Variants in SULT1E1 observed in about 807,000 individuals in gnomAD.
The protein encoded by SULT1E1 is sulfotransferase 1E1.
In SULT1E1, 36 loss-of-function variants were observed where a neutral mutation model predicts 33.6. That is an observed-to-expected ratio of 1.07 (90% CI 0.82 to 1.41). SULT1E1 has a LOEUF of 1.41. Ranked by LOEUF, SULT1E1 falls within the 40% of genes most tolerant of loss-of-function variation. The probability of loss-of-function intolerance (pLI) is 0.00; values close to 1 mark genes in which losing one functional copy is unlikely to be tolerated. For missense variants in SULT1E1, 371 were observed against 345.7 expected (o/e 1.07, Z -0.58); for synonymous variants, 121 against 111.7 (o/e 1.08, Z -0.53).
At chr4:69,845,121 T>C (rs1720948696) in intron 6 of SULT1E1, among the ~76,000 whole-genome samples, 1 of 152,084 alleles carries the variant, frequency 6.6e-6, no homozygotes, top group Admixed American at 6.6e-5. Context: ...ACCACATGTG[T>C]ATTTTTGTAA....
In SULT1E1 at chr4:69,850,143, A is replaced by G. The variant is rs1412354195; in HGVS notation, c.370-580T>C. On this transcript the variant is annotated intron_variant, in intron 4 of 7. Coordinates refer to ENST00000226444, the MANE Select transcript of SULT1E1 (RefSeq NM_005420.3). ...TTTCCATTTTACATGCAGAAGAAAT[A>G]CCAATGAATTAGTTTTCAGAAAACT... is the stretch of plus-strand genomic sequence containing the variant. Among the ~76,000 whole-genome samples, 5 of 152,202 alleles carry G rather than the reference A, an allele frequency of 3.3e-5. No individual in the cohort carries two copies. The South Asian group carries it at 1.0e-3, about 32-fold the overall frequency.
chr4:69,856,992 C>T (rs1292684002), intron 2 of SULT1E1, among the ~76,000 whole-genome samples: 2 of 139,938 alleles, frequency 1.4e-5, no homozygotes, highest in African/African-American at 5.2e-5. Flanking sequence ...GTGTGTTTGG[C>T]TTTATTTTTA....
At chr4:69,840,500 T>C (rs1228642248), downstream of SULT1E1, among the ~76,000 whole-genome samples, 1 of 152,224 alleles carries the variant, frequency 6.6e-6, no homozygotes, top group African/African-American at 2.4e-5. Flanking sequence ...TAAAAAATTT[T>C]AATTCTTTTT....
chr4:69,851,846 CCAT>C (rs1721119702), intron 4 of SULT1E1, among the ~76,000 whole-genome samples: 1 of 151,978 alleles, frequency 6.6e-6, no homozygotes, highest in Admixed American at 6.6e-5. Flanking sequence ...AAACTGGAAA[CCAT>C]CATTCTCAGC....
At chr4:69,834,056 T>C in the SULT1E1 span, among the ~76,000 whole-genome samples, 1 of 152,156 alleles carries the variant, frequency 6.6e-6, no homozygotes. Flanking sequence ...CATTTTGTTT[T>C]GGGGGATTTG....
At chr4:69,854,164 T>G (rs916792711) in intron 4 of SULT1E1, 53 bp downstream of exon 4, 2 of 1,306,008 alleles carry the variant, frequency 1.5e-6, no homozygotes, top group Non-Finnish European at 2.2e-6. Context: ...ATGAGATCAC[T>G]CTATCATTTC....
At chr4:69,832,093 C>T in the SULT1E1 span, among the ~76,000 whole-genome samples, 1 of 152,232 alleles carries the variant, frequency 6.6e-6, no homozygotes. Context: ...GGTGATCAAG[C>T]TCCTCTTCTG....
At chr4:69,844,852 C>T (rs1720943180) in intron 6 of SULT1E1, among the ~76,000 whole-genome samples, 1 of 152,082 alleles carries the variant, frequency 6.6e-6, no homozygotes, top group African/African-American at 2.4e-5. Flanking sequence ...ATATCTGTGC[C>T]ACTCCTATAA....
At chr4:69,830,333 T>TC in the SULT1E1 span, among the ~76,000 whole-genome samples, 2 of 152,250 alleles carry the variant, frequency 1.3e-5, no homozygotes, top group Admixed American at 6.5e-5. Context: ...CATGAAATCT[T>TC]CCATCTTCTG....
intron 6 of SULT1E1, among the ~76,000 whole-genome samples, chr4:69,845,561 C>T (rs1190196216): frequency 6.6e-6 from 1 of 150,958 alleles, no homozygotes; most frequent in African/African-American, 2.4e-5. Context: ...TACACAAAAT[C>T]TTATTTTATA....
intron 4 of SULT1E1, among the ~76,000 whole-genome samples, chr4:69,851,332 T>C (rs1721098673): frequency 6.6e-6 from 1 of 152,168 alleles, no homozygotes; most frequent in African/African-American, 2.4e-5. Context: ...CAGACACTTC[T>C]CAAGAGAAGA....
chr4:69,847,019 T>A (rs1293238914), intron 6 of SULT1E1, among the ~76,000 whole-genome samples: 1 of 151,708 alleles, frequency 6.6e-6, no homozygotes, highest in Non-Finnish European at 1.5e-5. Context: ...TTTTATTTTT[T>A]AAATGCTAAT....
chr4:69,828,318 G>C, the SULT1E1 span, among the ~76,000 whole-genome samples: 10 of 152,248 alleles, frequency 6.6e-5, no homozygotes, highest in East Asian at 1.4e-3. Flanking sequence ...CACTCTTTTG[G>C]TCCTCACTAC....
intron 4 of SULT1E1, 136 bp downstream of exon 4, chr4:69,854,081 A>C (rs1237962674): frequency 1.9e-6 from 1 of 522,632 alleles, no homozygotes; most frequent in African/African-American, 1.9e-5. Flanking sequence ...GACAATATTG[A>C]CTGTATTTAT....
intron 1 of SULT1E1, among the ~76,000 whole-genome samples, chr4:69,858,928 A>G (rs1397668800): frequency 6.6e-6 from 1 of 152,148 alleles, no homozygotes; most frequent in Non-Finnish European, 1.5e-5. Flanking sequence ...TAGATTTATC[A>G]TTAAGTGGTT....
At chr4:69,855,972 A>G (rs1014632111) in intron 2 of SULT1E1, among the ~76,000 whole-genome samples, 6 of 152,240 alleles carry the variant, frequency 3.9e-5, no homozygotes, top group African/African-American at 1.2e-4. Flanking sequence ...GAAGAAATCT[A>G]TAACACAGTG....
At chr4:69,828,947 G>A in the SULT1E1 span, among the ~76,000 whole-genome samples, 1 of 152,170 alleles carries the variant, frequency 6.6e-6, no homozygotes. Context: ...CAGTCTTTAA[G>A]ATCTGAGGCC....
chr4:69,853,881 A>T (rs560810874), intron 4 of SULT1E1, among the ~76,000 whole-genome samples: 119 of 152,166 alleles, frequency 7.8e-4, no homozygotes, highest in Non-Finnish European at 1.4e-3. Context: ...TTTGTTGTTT[A>T]CAATATGCTA....
the SULT1E1 span, among the ~76,000 whole-genome samples, chr4:69,823,008 G>A: frequency 1.3e-5 from 2 of 152,194 alleles, no homozygotes; most frequent in African/African-American, 4.8e-5. Flanking sequence ...GATGTGGTAT[G>A]AGGAAATACA....
Sources: gnomAD v4.1 joint callset for allele counts (sites outside exome capture counted in the v4.1 genomes callset) on GRCh38, gnomAD v4.1.1 for gene constraint, MANE v1.5 for transcripts, NCBI Gene and HGNC (gene_info 2026-07-23, HGNC 2026-07-21) for gene names.